The following C1QTNF3 variants were observed in gnomAD, a reference collection of about 807,000 sequenced individuals.
The protein encoded by C1QTNF3 is C1q and TNF related 3.
In C1QTNF3, 26 loss-of-function variants were observed where a neutral mutation model predicts 32.6. The observed-to-expected ratio is 0.80, with a 90% confidence interval of 0.58 to 1.11. C1QTNF3 has a LOEUF of 1.11. Ranked by LOEUF, C1QTNF3 falls within the 50% of genes least tolerant of loss-of-function variation. The pLI is 0.00. For synonymous variants in C1QTNF3, 155 were observed against 146.0 expected (o/e 1.06, Z -0.44); for missense variants, 362 against 398.2 (o/e 0.91, Z 0.77).
chr5:34,144,807 T>C, the C1QTNF3 span, among the ~76,000 whole-genome samples: 1 of 152,194 alleles, frequency 6.6e-6, no homozygotes, highest in Non-Finnish European at 1.5e-5. Flanking sequence ...CTTATAGGCC[T>C]AAACACCTTC....
At chr5:34,194,904 G>C in the C1QTNF3 span, among the ~76,000 whole-genome samples, 4 of 147,982 alleles carry the variant, frequency 2.7e-5, no homozygotes, top group African/African-American at 7.7e-5. Flanking sequence ...AATAGTTATT[G>C]TACTATATTG....
the C1QTNF3 span, among the ~76,000 whole-genome samples, chr5:34,135,422 G>A: frequency 6.6e-6 from 1 of 151,974 alleles, no homozygotes; most frequent in South Asian, 2.1e-4. Flanking sequence ...ATCAGGATGA[G>A]GTTGGCCTCA....
the C1QTNF3 span, among the ~76,000 whole-genome samples, chr5:34,089,511 T>G: frequency 1.3e-5 from 2 of 152,206 alleles, no homozygotes; most frequent in African/African-American, 4.8e-5. Context: ...CACAGCTAGA[T>G]GCAACCATTA....
the C1QTNF3 span, among the ~76,000 whole-genome samples, chr5:34,058,011 A>G: frequency 6.6e-6 from 1 of 152,320 alleles, no homozygotes; most frequent in South Asian, 2.1e-4. Flanking sequence ...CTCCTGGACC[A>G]TCCTTGACAG....
chr5:34,021,026 T>C (rs190496952), intron 5 of C1QTNF3, among the ~76,000 whole-genome samples: 132 of 152,320 alleles, frequency 8.7e-4, no homozygotes, highest in Non-Finnish European at 1.6e-3. Context: ...TTGGAGACCA[T>C]GTGGAAAAGA....
At chr5:34,156,383 A>G in the C1QTNF3 span, among the ~76,000 whole-genome samples, 1 of 152,182 alleles carries the variant, frequency 6.6e-6, no homozygotes, top group African/African-American at 2.4e-5. Context: ...CAAAACTTAT[A>G]TAACAGTCTT....
chr5:34,221,794 A>G, the C1QTNF3 span, among the ~76,000 whole-genome samples: 1 of 152,088 alleles, frequency 6.6e-6, no homozygotes, highest in African/African-American at 2.4e-5. Context: ...TTTTCTAATC[A>G]TCCTGGATTT....
chr5:34,067,349 T>G, the C1QTNF3 span, among the ~76,000 whole-genome samples: 2 of 152,236 alleles, frequency 1.3e-5, no homozygotes, highest in Admixed American at 1.3e-4. Context: ...ACCAATTTGC[T>G]GTATTAATCT....
rs562468515 is a variant in C1QTNF3, at chr5:34,033,541, A to G, written c.416-83T>C. On this transcript the variant is annotated intron_variant, in intron 2 of 5. Transcript: ENST00000382065. ...TTTCTAGACATACTATCCAAACTCA[A>G]TTATGAAAGGGGACCATTCAGAATA... The G allele has an allele frequency of 2.7e-5, 41 of 1,543,034 alleles. No individual in the cohort carries two copies. In the East Asian group the frequency reaches 7.4e-4, roughly 28 times the overall value.
the C1QTNF3 span, among the ~76,000 whole-genome samples, chr5:34,174,711 C>A: frequency 9.2e-5 from 14 of 152,176 alleles, no homozygotes; most frequent in Non-Finnish European, 1.9e-4. Flanking sequence ...CTCTCATCCA[C>A]CCTACGTGAG....
At chr5:34,040,548 G>A (rs1754844550) in intron 1 of C1QTNF3, among the ~76,000 whole-genome samples, 1 of 152,126 alleles carries the variant, frequency 6.6e-6, no homozygotes, top group Non-Finnish European at 1.5e-5. Flanking sequence ...GCCCACCCCA[G>A]ATCTCTGGCC....
the C1QTNF3 span, among the ~76,000 whole-genome samples, chr5:34,133,715 C>G: frequency 1.1e-4 from 16 of 152,198 alleles, no homozygotes; most frequent in African/African-American, 3.6e-4. Flanking sequence ...CATAGCAAAG[C>G]CTGAAGTGCC....
At chr5:34,143,593 G>A in the C1QTNF3 span, among the ~76,000 whole-genome samples, 1 of 152,270 alleles carries the variant, frequency 6.6e-6, no homozygotes, top group South Asian at 2.1e-4. Context: ...GGACCTCTCA[G>A]TAGAAGTCTT....
chr5:34,062,532 A>C, the C1QTNF3 span, among the ~76,000 whole-genome samples: 1 of 152,194 alleles, frequency 6.6e-6, no homozygotes, highest in Admixed American at 6.5e-5. Flanking sequence ...TAAGTACTTT[A>C]AGGCTTGGCT....
chr5:34,221,010 G>A, the C1QTNF3 span, among the ~76,000 whole-genome samples: 14 of 152,256 alleles, frequency 9.2e-5, no homozygotes, highest in East Asian at 2.7e-3. Flanking sequence ...GGAGCTGAAA[G>A]CTGAAGGCTG....
chr5:34,228,221 T>C, the C1QTNF3 span, among the ~76,000 whole-genome samples: 11 of 151,998 alleles, frequency 7.2e-5, no homozygotes. Flanking sequence ...CTGTGGTTCA[T>C]AAGTTAGTAA....
chr5:34,225,659 T>G, the C1QTNF3 span, among the ~76,000 whole-genome samples: 1 of 151,848 alleles, frequency 6.6e-6, no homozygotes, highest in Admixed American at 6.6e-5. Flanking sequence ...TTACTCATAG[T>G]CTAAATTTTT....
At chr5:34,023,012 T>C (rs375490830) in intron 5 of C1QTNF3, among the ~76,000 whole-genome samples, 3 of 151,912 alleles carry the variant, frequency 2.0e-5, no homozygotes, top group Admixed American at 2.0e-4. Context: ...CCTGCCACCA[T>C]GCCCGGGTAA....
the C1QTNF3 span, among the ~76,000 whole-genome samples, chr5:34,121,120 C>T: frequency 6.6e-6 from 1 of 152,084 alleles, no homozygotes; most frequent in African/African-American, 2.4e-5. Context: ...TTGAAAATTC[C>T]CATAGTGTGT....
Sources: gnomAD v4.1 joint callset for allele counts (sites outside exome capture counted in the v4.1 genomes callset) on GRCh38, gnomAD v4.1.1 for gene constraint, MANE v1.5 for transcripts, NCBI Gene and HGNC (gene_info 2026-07-23, HGNC 2026-07-21) for gene names.